Variants in MIGA2 observed in about 807,000 individuals in gnomAD.
MIGA2 encodes family with sequence similarity 73, member B.
In MIGA2, 36 loss-of-function variants were observed where a neutral mutation model predicts 69.9. The observed-to-expected ratio is 0.52, with a 90% CI of 0.39 to 0.68. The LOEUF is 0.68. Among genes scored for constraint, MIGA2 ranks in the 30% least tolerant of loss-of-function variants. The pLI, the probability that MIGA2 is intolerant of heterozygous loss-of-function variation, is 0.00. For synonymous variants in MIGA2, 333 were observed against 349.2 expected, an observed-to-expected ratio of 0.95 and a Z score of 0.52; for missense variants, 660 against 787.7, an observed-to-expected ratio of 0.84 and a Z score of 1.94.
At chr9:129,065,731 G>A (rs1423924565) in intron 11 of MIGA2, among the ~76,000 whole-genome samples, 1 of 152,156 alleles carries the variant, frequency 6.6e-6, no homozygotes, top group Non-Finnish European at 1.5e-5. Flanking sequence ...GTAACTGGAA[G>A]CCCCCCACAC....
At position 129,068,365 on chromosome 9, in the gene MIGA2, T is replaced by A. The variant is rs774084033; in HGVS notation, c.1404+33T>A. The A allele has an allele frequency of 6.3e-7, 1 of 1,598,444 alleles. No individual in the cohort carries two copies. The highest frequency in any genetic ancestry group is 8.5e-7 in the Non-Finnish European group (1 of 1,178,818). ...ACTGCCCTGCTCTCAGACCCACACT[T>A]GCTCACATCAGCCCGTGTGGTTGCC... On this transcript the variant is annotated intron_variant, in intron 13 of 15. Transcript: ENST00000684074. The surrounding 1 kb of genome is among the most constrained non-coding windows in gnomAD (Gnocchi z 4.1).
rs1321648008 is a variant in MIGA2, at chr9:129,061,719, G to T, written c.1010+373G>T. 2.6e-5 allele frequency among the ~76,000 whole-genome samples: 4 copies of T among 152,188 alleles called. No individual in the cohort carries two copies. In the East Asian group the frequency reaches 7.7e-4, roughly 29 times the overall value. On this transcript the variant is annotated intron_variant, in intron 9 of 15. Coordinates refer to ENST00000684074, the MANE Select transcript of MIGA2 (RefSeq NM_001329990.2). The surrounding 1 kb of genome is among the most constrained non-coding windows in gnomAD (Gnocchi z 5.0). ...TAAGGATAACATGCAGATTTACTAA[G>T]CATTCCATATGAAAACAAAAGTAAA...
At chr9:129,042,045 C>T in intron 2 of MIGA2, 1 of 514,940 alleles carries the variant, frequency 1.9e-6, no homozygotes. Flanking sequence ...GGCTTGTGTG[C>T]TCATGACTGA....
At position 129,068,245 on chromosome 9, in the gene MIGA2, G is replaced by A. The variant is rs756973766; in HGVS notation, c.1317G>A (p.Met439Ile). The A allele has an allele frequency of 6.2e-7, 1 of 1,613,688 alleles. No homozygotes were observed. The highest frequency in any genetic ancestry group is 8.5e-7 in the Non-Finnish European group (1 of 1,180,012). Residue 439 changes from methionine to isoleucine, a missense_variant, in exon 13 of 16, where the codon ATG becomes ATA. Transcript: ENST00000684074. This position sits in a 1 kb window ranked among gnomAD's most constrained non-coding sequence, Gnocchi z 4.1. ...FFDIVLDFIL[M>I]DAFEDLENPP... ...ACATCGTGCTGGACTTCATCCTCAT[G>A]GACGCCTTCGAGGACCTGGAGAACC...
At chr9:129,063,721 C>A in intron 11 of MIGA2, 90 bp downstream of exon 11, 1 of 1,282,342 alleles carries the variant, frequency 7.8e-7, no homozygotes, top group Non-Finnish European at 1.1e-6. Context: ...AACCCCTGTG[C>A]ACAGGCTGAT....
intron 3 of MIGA2, among the ~76,000 whole-genome samples, chr9:129,044,585 C>T (rs942144401): frequency 3.1e-4 from 47 of 151,876 alleles, no homozygotes; most frequent in African/African-American, 1.1e-3. Context: ...CACAGTCTCA[C>T]TCTGTCACCC....
intron 11 of MIGA2, 96 bp downstream of exon 11, chr9:129,063,727 C>T: frequency 8.6e-7 from 1 of 1,166,150 alleles, no homozygotes; most frequent in Non-Finnish European, 1.2e-6. Context: ...TGTGCACAGG[C>T]TGATACACGT....
Position 129,067,612 on chromosome 9 carries a change from C to T in MIGA2, c.1171-161C>T, listed in dbSNP as rs545961107. 1.9e-4 allele frequency: 117 copies of T among 630,414 alleles called. 1 individual carries two copies. The highest frequency in any genetic ancestry group is 7.6e-4 in the Admixed American group (26 of 34,214). The allele number at this position is 630,414 out of a possible 1,614,324, so 39.1% of individuals were successfully genotyped here. The stretch of plus-strand genomic sequence containing the variant: ...TGGGTGCCCTGGTTCTCTGGAGAAG[C>T]CTGCTGTGCTGAGTAGGAGACACTT... On this transcript the variant is annotated intron_variant, in intron 11 of 15. Coordinates refer to ENST00000684074, the MANE Select transcript of MIGA2 (RefSeq NM_001329990.2).
chr9:129,048,336 G>C, intron 3 of MIGA2, 91 bp from the exon 4 acceptor site: 1 of 1,073,764 alleles, frequency 9.3e-7, no homozygotes, highest in South Asian at 1.3e-5. Context: ...TCCCAGATGA[G>C]GAAGAAGGGG....
chr9:129,049,440 A>G lies in MIGA2; in HGVS notation c.480A>G (p.Arg160=). Residue 160 remains arginine, a synonymous_variant, in exon 5 of 16, where the codon AGA becomes AGG. Coordinates refer to ENST00000684074, the MANE Select transcript of MIGA2 (RefSeq NM_001329990.2). The part of the protein sequence containing the change: ...TAACSGLWDA[R]GMEESLTTSD... ...CGTGCTCGGGACTATGGGATGCCAG[A>G]GGGATGGAGGAGTCTCTGACCACCA... The G allele has an allele frequency of 6.2e-7, 1 of 1,613,490 alleles. No homozygotes were observed. Among genetic ancestry groups the G allele is most frequent in the Non-Finnish European group, 8.5e-7 (1 of 1,179,812 alleles).
Position 129,070,379 on chromosome 9 carries a change from G to A in MIGA2, c.1708G>A (p.Val570Met). ...CGAGATATTGCTGGGGTACCTGGGG[G>A]TGCCCGCGGCCAGCAGCGCAGGCGT... ...RSEILLGYLG[V>M]PAASSAGVNG... Residue 570 changes from valine to methionine, a missense_variant, in exon 16 of 16, where the codon GTG becomes ATG. This residue lies in a region of MIGA2 where 220 missense variants were observed against 301.7 expected (regional missense o/e 0.73). Transcript: ENST00000684074. 2.5e-6 allele frequency: 4 copies of A among 1,612,486 alleles called. No homozygotes were observed. Among genetic ancestry groups the A allele is most frequent in the Non-Finnish European group, 3.4e-6 (4 of 1,179,764 alleles).
At chr9:129,064,715 C>T (rs2131388606) in intron 11 of MIGA2, among the ~76,000 whole-genome samples, 1 of 152,082 alleles carries the variant, frequency 6.6e-6, no homozygotes, top group Admixed American at 6.6e-5. Context: ...TTCTAGTGCA[C>T]CAGACTTGCT....
intron 15 of MIGA2, 63 bp downstream of exon 15, chr9:129,070,028 G>T: frequency 7.1e-7 from 1 of 1,404,826 alleles, no homozygotes; most frequent in Non-Finnish European, 9.7e-7. Context: ...GCCCTGGGAG[G>T]TGCCAGGAAT....
chr9:129,064,778 C>G (rs1588412032), intron 11 of MIGA2, among the ~76,000 whole-genome samples: 1 of 150,886 alleles, frequency 6.6e-6, no homozygotes, highest in African/African-American at 2.4e-5. Context: ...CACTGTTGCT[C>G]AATCTTGTTT....
rs559770010 is a variant in MIGA2 at position 129,069,017 on chromosome 9, C to G, written c.1405-59C>G. ...GGCTTGGTGCTGGGCTGGCAGAGGG[C>G]GAGGGGCTGTGGGCTAGGCCCATTT... is the stretch of plus-strand genomic sequence containing the variant. On this transcript the variant is annotated intron_variant, in intron 13 of 15. Transcript: ENST00000684074. This position sits in a 1 kb window ranked among gnomAD's most constrained non-coding sequence, Gnocchi z 4.9. The G allele has an allele frequency of 2.5e-5, 40 of 1,599,368 alleles. No homozygotes were observed. In the East Asian group the frequency reaches 8.3e-4, roughly 33 times the overall value.
chr9:129,069,070 A>G lies in MIGA2; in HGVS notation c.1405-6A>G, dbSNP rs1250733593. The G allele has an allele frequency of 2.5e-6, 4 of 1,613,848 alleles. No individual in the cohort carries two copies. In the African/African-American group the frequency reaches 5.3e-5, roughly 22 times the overall value. On this transcript the variant is annotated splice_region_variant and splice_polypyrimidine_tract_variant and intron_variant, in intron 13 of 15. Coordinates refer to ENST00000684074, the MANE Select transcript of MIGA2 (RefSeq NM_001329990.2). The surrounding 1 kb of genome is among the most constrained non-coding windows in gnomAD (Gnocchi z 4.9). ...ACACCCGGGGGACATCCTATTTTTGATGTAGGCCTTGGCCACTGCTTGCTG... is the reference window on the plus strand; with the variant it reads ...ACACCCGGGGGACATCCTATTTTTGGTGTAGGCCTTGGCCACTGCTTGCTG...
intron 6 of MIGA2, among the ~76,000 whole-genome samples, chr9:129,058,350 A>T (rs75009959): frequency 6.7e-6 from 1 of 149,084 alleles, no homozygotes; most frequent in Admixed American, 6.8e-5. Context: ...TTGTGGTTAG[A>T]TGTGATTGCG....
At chr9:129,038,177 G>A (rs1226251253) in intron 1 of MIGA2, among the ~76,000 whole-genome samples, 1 of 152,164 alleles carries the variant, frequency 6.6e-6, no homozygotes, top group African/African-American at 2.4e-5. Context: ...ACAGCCTCCT[G>A]GGCAGATGTC....
intron 3 of MIGA2, among the ~76,000 whole-genome samples, chr9:129,047,380 T>C (rs1845281358): frequency 6.6e-6 from 1 of 151,538 alleles, no homozygotes; most frequent in African/African-American, 2.4e-5. Context: ...TGCCCGGCCC[T>C]GTCTCTATTT....
Sources: gnomAD v4.1 joint callset for allele counts (sites outside exome capture counted in the v4.1 genomes callset) on GRCh38, gnomAD v4.1.1 for gene constraint, gnomAD v4.1.1 regional missense constraint, Gnocchi (gnomAD v3.1) non-coding constraint, MANE v1.5 for transcripts, NCBI Gene and HGNC (gene_info 2026-07-23, HGNC 2026-07-21) for gene names.